The following MECOM variants were observed in gnomAD, a reference collection of about 807,000 sequenced individuals.
MECOM encodes the protein histone-lysine N-methyltransferase MECOM.
A neutral mutation model predicts 116.3 loss-of-function variants in MECOM; 13 were observed. The ratio of observed to expected loss-of-function variants is 0.11; its 90% CI spans 0.07 to 0.18. The LOEUF is 0.18. Ranked by LOEUF, MECOM falls within the 10% of genes least tolerant of loss-of-function variation. The probability of loss-of-function intolerance (pLI) is 1.00; values close to 1 mark genes in which losing one functional copy is unlikely to be tolerated. For missense variants in MECOM, 1,299 were observed against 1,509.0 expected (o/e 0.86, Z 2.31); for synonymous variants, 528 against 535.2 (o/e 0.99, Z 0.19).
chr3:169,258,346 G>T lies in MECOM; in HGVS notation c.376-114514C>A, dbSNP rs936112014. Reference sequence around the variant, plus strand: ...GAGATTAGAACTAGAAGTGATTTTGGAATTTATTTACTTGCAATAACCTTC... The same window carrying T: ...GAGATTAGAACTAGAAGTGATTTTGTAATTTATTTACTTGCAATAACCTTC... On this transcript the variant is annotated intron_variant, in intron 2 of 16. Coordinates refer to ENST00000651503, the MANE Select transcript of MECOM (RefSeq NM_004991.4). Among the ~76,000 whole-genome samples the T allele has an allele frequency of 1.6e-3, 250 of 152,292 alleles. 1 individual carries two copies. Among genetic ancestry groups the T allele is most frequent in the Non-Finnish European group, 1.2e-3 (82 of 68,026 alleles).
chr3:169,188,041 A>T (rs1442540337), intron 2 of MECOM, among the ~76,000 whole-genome samples: 1 of 152,118 alleles, frequency 6.6e-6, no homozygotes, highest in Non-Finnish European at 1.5e-5. Context: ...TGTACCAATT[A>T]AAAAATTGCT....
Position 169,084,974 on chromosome 3 carries a change from C to G in MECOM, c.3655G>C (p.Val1219Leu), listed in dbSNP as rs200073118. 105 of 1,614,068 alleles carry G rather than the reference C, an allele frequency of 6.5e-5. No homozygotes were observed. The highest frequency in any genetic ancestry group is 8.6e-5 in the Non-Finnish European group (102 of 1,179,976). The change falls in exon 17 of 17, where the codon GTG becomes CTG. Residue 1219 changes from valine to leucine, a missense_variant. Around this residue, in one of 6 missense-constraint regions of MECOM, gnomAD observed 273 missense variants for 289.3 expected, o/e 0.94. Transcript: ENST00000651503. ...GCAGCCCTGGCCATACTGTGCCACA[C>G]GTTGGAAGAACTGTGGGATGTAGAA... ...LHSTSHSSSN[V>L]WHSMARAAAE...
chr3:169,567,770 T>A (rs1358564262), intron 1 of MECOM, among the ~76,000 whole-genome samples: 4 of 152,210 alleles, frequency 2.6e-5, no homozygotes, highest in Non-Finnish European at 4.4e-5. Flanking sequence ...TCCATAACAC[T>A]TCTTATTTCT....
At position 169,263,125 on chromosome 3, in the gene MECOM, A is replaced by T. The variant is rs1185774125; in HGVS notation, c.375+118062T>A. Among the ~76,000 whole-genome samples, 77 of 19,536 alleles carry T rather than the reference A, an allele frequency of 3.9e-3. 3 individuals carry two copies. Among genetic ancestry groups the T allele is most frequent in the African/African-American group, 0.016 (62 of 3,796 alleles). 12.8% of individuals were successfully genotyped at this position (19,536 alleles called of 152,430 possible). ...TATATATATATATATATATATATAT[A>T]TATGTTTTTTTTTTTTTTTTTGAGA... On this transcript the variant is annotated intron_variant, in intron 2 of 16. Transcript: ENST00000651503.
chr3:169,169,044 T>C (rs1176207989), intron 2 of MECOM, among the ~76,000 whole-genome samples: 1 of 152,062 alleles, frequency 6.6e-6, no homozygotes, highest in East Asian at 1.9e-4. Flanking sequence ...TTTGCTCAGG[T>C]TTTGGTTTCC....
chr3:169,244,293 G>A (rs1042802932), intron 2 of MECOM, among the ~76,000 whole-genome samples: 2 of 152,166 alleles, frequency 1.3e-5, no homozygotes, highest in African/African-American at 2.4e-5. Flanking sequence ...TGTTGCCGTC[G>A]TTTACTGCTG....
At chr3:169,410,059 A>C (rs1357216675) in intron 1 of MECOM, among the ~76,000 whole-genome samples, 1 of 152,202 alleles carries the variant, frequency 6.6e-6, no homozygotes, top group African/African-American at 2.4e-5. Flanking sequence ...GAGCTTTCAG[A>C]CAGCAACAAT....
At chr3:169,452,540 T>A (rs1404135718) in intron 1 of MECOM, among the ~76,000 whole-genome samples, 5 of 152,194 alleles carry the variant, frequency 3.3e-5, no homozygotes, top group African/African-American at 7.2e-5. Context: ...AAACTCAGCA[T>A]CTACCACGTA....
At chr3:169,444,817 T>C (rs1008480570) in intron 1 of MECOM, among the ~76,000 whole-genome samples, 44 of 152,218 alleles carry the variant, frequency 2.9e-4, no homozygotes, top group African/African-American at 1.0e-3. Flanking sequence ...AAAATGCTGA[T>C]AGTGATATGA....
chr3:169,504,150 A>AGTGTGTGTGTGTGTGT lies in MECOM; in HGVS notation c.38-122642_38-122627dup, dbSNP rs3044764. ...CTCTCAAAAAAAAAAGAAAAAGAGA[A>AGTGTGTGTGTGTGTGT]GTGTGTGTGTGTGTGTGTGTGTGTG... On this transcript the variant is annotated intron_variant, in intron 1 of 16. Coordinates refer to ENST00000651503, the MANE Select transcript of MECOM (RefSeq NM_004991.4). 4.2e-3 allele frequency among the ~76,000 whole-genome samples: 562 copies of AGTGTGTGTGTGTGTGT among 132,698 alleles called. 6 individuals are homozygous for AGTGTGTGTGTGTGTGT. Among genetic ancestry groups the AGTGTGTGTGTGTGTGT allele is most frequent in the African/African-American group, 6.8e-3 (250 of 36,948 alleles). The allele number at this position is 132,698 out of a possible 152,430, so 87.1% of individuals were successfully genotyped here. A position where few individuals can be genotyped will look rare whatever the true frequency, so the allele number is the denominator to read the frequency against.
chr3:169,478,389 A>G (rs909005060), intron 1 of MECOM, among the ~76,000 whole-genome samples: 5 of 152,112 alleles, frequency 3.3e-5, no homozygotes, highest in Admixed American at 1.3e-4. Flanking sequence ...TTTTACAGCC[A>G]CCTAGAGTAA....
chr3:169,581,844 C>T (rs1235262707), intron 1 of MECOM, among the ~76,000 whole-genome samples: 1 of 152,126 alleles, frequency 6.6e-6, no homozygotes, highest in African/African-American at 2.4e-5. Context: ...AAACATTTGA[C>T]ACTGGTCACA....
chr3:169,533,244 C>T (rs911096983), intron 1 of MECOM, among the ~76,000 whole-genome samples: 35 of 152,196 alleles, frequency 2.3e-4, no homozygotes, highest in Admixed American at 3.9e-4. Flanking sequence ...TATCAGACCC[C>T]GGAATCAACT....
intron 1 of MECOM, among the ~76,000 whole-genome samples, chr3:169,478,604 C>A (rs1750827806): frequency 1.3e-5 from 2 of 152,162 alleles, no homozygotes; most frequent in South Asian, 4.1e-4. Flanking sequence ...TCCCAGATAC[C>A]AAAGGCTTAA....
intron 2 of MECOM, among the ~76,000 whole-genome samples, chr3:169,217,843 A>T (rs987776156): frequency 3.4e-5 from 5 of 147,796 alleles, no homozygotes; most frequent in African/African-American, 1.2e-4. Context: ...ATATATATGT[A>T]ATATATATAT....
intron 2 of MECOM, among the ~76,000 whole-genome samples, chr3:169,180,059 C>T (rs549821297): frequency 9.2e-4 from 140 of 152,232 alleles, no homozygotes; most frequent in African/African-American, 3.1e-3. Flanking sequence ...GATTTACTTT[C>T]GGAATTCCTT....
intron 2 of MECOM, among the ~76,000 whole-genome samples, chr3:169,281,818 A>T (rs544557978): frequency 1.1e-4 from 17 of 152,220 alleles, no homozygotes; most frequent in South Asian, 2.1e-4. Flanking sequence ...TCAAAAAAAA[A>T]TTTTTTTTAA....
intron 2 of MECOM, among the ~76,000 whole-genome samples, chr3:169,299,676 A>G (rs1388101301): frequency 6.6e-6 from 1 of 152,142 alleles, no homozygotes. Context: ...GCATAATTCC[A>G]TATATATCAG....
intron 2 of MECOM, among the ~76,000 whole-genome samples, chr3:169,316,189 T>C (rs941839491): frequency 1.4e-4 from 22 of 152,232 alleles, no homozygotes; most frequent in Admixed American, 1.3e-4. Context: ...TTTAGTGTTG[T>C]ATAATTTACA....
Sources: gnomAD v4.1 joint callset for allele counts (sites outside exome capture counted in the v4.1 genomes callset) on GRCh38, gnomAD v4.1.1 for gene constraint, gnomAD v4.1.1 regional missense constraint, MANE v1.5 for transcripts, NCBI Gene and HGNC (gene_info 2026-07-23, HGNC 2026-07-21) for gene names.